PEAK1: variants seen among roughly 807,000 people sequenced by gnomAD.
PEAK1 encodes inactive tyrosine-protein kinase PEAK1.
In PEAK1, 54 loss-of-function variants were observed where a neutral mutation model predicts 124.7. The ratio of observed to expected loss-of-function variants is 0.43; its 90% confidence interval spans 0.35 to 0.54. The LOEUF (loss-of-function observed/expected upper bound fraction) is 0.54. Among genes scored for constraint, PEAK1 ranks in the 20% least tolerant of loss-of-function variants. PEAK1 has a pLI of 0.01. For missense variants in PEAK1, 2,046 were observed against 2,134.5 expected, an observed-to-expected ratio of 0.96 and a Z score of 0.82; for synonymous variants, 719 against 760.0, an observed-to-expected ratio of 0.95 and a Z score of 0.89.
chr15:77,264,551 C>A (rs558177542), intron 5 of PEAK1, among the ~76,000 whole-genome samples: 2 of 152,064 alleles, frequency 1.3e-5, no homozygotes, highest in Non-Finnish European at 2.9e-5. Context: ...TTACAAGGGA[C>A]GTGAAGGACC....
chr15:77,353,058 A>G (rs772246102), intron 2 of PEAK1: 8 of 918,062 alleles, frequency 8.7e-6, no homozygotes, highest in Non-Finnish European at 1.0e-5. Flanking sequence ...TCTGAGGCCA[A>G]TTTCCATCCA....
chr15:77,401,561 C>T, intron 1 of PEAK1: 1 of 978,792 alleles, frequency 1.0e-6, no homozygotes, highest in Non-Finnish European at 1.2e-6. Context: ...AAAAACTCAA[C>T]ACAAAAATTG....
At chr15:77,192,073 A>T (rs1287009766) in intron 6 of PEAK1, among the ~76,000 whole-genome samples, 1 of 152,190 alleles carries the variant, frequency 6.6e-6, no homozygotes, top group Non-Finnish European at 1.5e-5. Context: ...TCTAAAACAA[A>T]ATGTGTGATT....
At chr15:77,294,267 T>C (rs1356219034) in intron 2 of PEAK1, among the ~76,000 whole-genome samples, 2 of 152,194 alleles carry the variant, frequency 1.3e-5, no homozygotes, top group Non-Finnish European at 1.5e-5. Flanking sequence ...ATGAGTCTAA[T>C]AAAGGAAACT....
chr15:77,371,531 C>T (rs1446332232), intron 1 of PEAK1: 13 of 772,756 alleles, frequency 1.7e-5, no homozygotes, highest in Non-Finnish European at 1.9e-5. Flanking sequence ...ACCACCACCA[C>T]CACCACCATC....
rs1432438445 is a variant in PEAK1 at position 77,113,126 on chromosome 15, A to C, written c.*1030T>G. ...CCTCTAAAGGAGATCTTAGAGCTCC[A>C]CTGACAGCTATTTCATTCAGGGCAA... On this transcript the variant is annotated 3_prime_UTR_variant, in exon 10 of 10. Transcript: ENST00000682557. The C allele has an allele frequency of 1.3e-5, 2 of 152,256 alleles. No individual in the cohort carries two copies. Among genetic ancestry groups the C allele is most frequent in the African/African-American group, 4.8e-5 (2 of 41,462 alleles). 9.4% of individuals were successfully genotyped at this position (152,256 alleles called of 1,614,324 possible).
At chr15:77,213,630 A>T (rs1382690405) in intron 6 of PEAK1, among the ~76,000 whole-genome samples, 2 of 152,158 alleles carry the variant, frequency 1.3e-5, no homozygotes, top group Non-Finnish European at 2.9e-5. Context: ...CAGAGGGTGC[A>T]GTGAGCCGAG....
chr15:77,236,815 C>T (rs2060145421), intron 6 of PEAK1, among the ~76,000 whole-genome samples: 1 of 152,088 alleles, frequency 6.6e-6, no homozygotes, highest in Non-Finnish European at 1.5e-5. Context: ...GGGCAGTTTC[C>T]CCCATGCTGT....
At chr15:77,193,263 C>G (rs2057932883) in intron 6 of PEAK1, among the ~76,000 whole-genome samples, 1 of 152,184 alleles carries the variant, frequency 6.6e-6, no homozygotes, top group Non-Finnish European at 1.5e-5. Flanking sequence ...GAAAACTAGA[C>G]AAAGTAGGAA....
intron 2 of PEAK1, among the ~76,000 whole-genome samples, chr15:77,301,997 T>C (rs1399576502): frequency 6.6e-6 from 1 of 152,206 alleles, no homozygotes; most frequent in African/African-American, 2.4e-5. Context: ...ATTGAAGAAC[T>C]TTCAGTTGGC....
intron 6 of PEAK1, among the ~76,000 whole-genome samples, chr15:77,183,968 T>C (rs998313708): frequency 6.6e-6 from 1 of 151,998 alleles, no homozygotes; most frequent in East Asian, 1.9e-4. Context: ...GCTGGGACTA[T>C]GGGCACATGC....
intron 2 of PEAK1, among the ~76,000 whole-genome samples, chr15:77,303,660 G>A (rs1376631523): frequency 6.6e-6 from 1 of 152,086 alleles, no homozygotes; most frequent in African/African-American, 2.4e-5. Context: ...TTATATAAGT[G>A]TTTTACAAAT....
chr15:77,350,732 C>T, intron 2 of PEAK1: 1 of 985,168 alleles, frequency 1.0e-6, no homozygotes, highest in African/African-American at 1.7e-5. Context: ...TCAGAATGAT[C>T]ATGCTGAAGC....
At chr15:77,137,561 T>C (rs1301496292) in intron 8 of PEAK1, among the ~76,000 whole-genome samples, 1 of 152,194 alleles carries the variant, frequency 6.6e-6, no homozygotes, top group African/African-American at 2.4e-5. Flanking sequence ...GATTTCGGAC[T>C]TGTGTGGGGC....
At chr15:77,163,345 T>TA (rs1311736963) in intron 7 of PEAK1, among the ~76,000 whole-genome samples, 1 of 152,216 alleles carries the variant, frequency 6.6e-6, no homozygotes, top group African/African-American at 2.4e-5. Context: ...TCAAAGGAAA[T>TA]AGTTACATTG....
At chr15:77,408,016 CACATATAT>C (rs1461473538) in intron 1 of PEAK1, among the ~76,000 whole-genome samples, 2 of 150,860 alleles carry the variant, frequency 1.3e-5, no homozygotes, top group Non-Finnish European at 2.9e-5. Flanking sequence ...TACACATATA[CACATATAT>C]ACACACATAT....
At chr15:77,101,397 G>T (rs754891398) in exon 7 of PEAK1, 4 of 152,174 alleles carry the variant, frequency 2.6e-5, no homozygotes, top group Non-Finnish European at 5.9e-5. Context: ...TCTTTGTTCA[G>T]CAAAAATCCC....
intron 2 of PEAK1, chr15:77,350,843 A>C (rs1163776639): frequency 4.1e-6 from 4 of 982,654 alleles, no homozygotes. Context: ...GTTAAGAAAC[A>C]TAATCAATTA....
chr15:77,272,286 AC>A (rs886748274), intron 5 of PEAK1, among the ~76,000 whole-genome samples: 15 of 152,134 alleles, frequency 9.9e-5, no homozygotes, highest in Admixed American at 9.2e-4. Flanking sequence ...TGAAATTCAA[AC>A]AAACAAAAAA....
Sources: gnomAD v4.1 joint callset for allele counts (sites outside exome capture counted in the v4.1 genomes callset) on GRCh38, gnomAD v4.1.1 for gene constraint, MANE v1.5 for transcripts, NCBI Gene and HGNC (gene_info 2026-07-23, HGNC 2026-07-21) for gene names.